The following ANO4 variants were observed in gnomAD, a reference collection of about 807,000 sequenced individuals.
ANO4 encodes anoctamin-4.
Under a neutral mutation model 141.9 loss-of-function variants are expected in ANO4, and 69 were observed. The ratio of observed to expected loss-of-function variants is 0.49; its 90% confidence interval spans 0.40 to 0.59. The LOEUF (loss-of-function observed/expected upper bound fraction) is 0.59, where lower values mean the gene tolerates loss of function less well. Ranked by LOEUF, ANO4 falls within the 20% of genes least tolerant of loss-of-function variation. ANO4 has a pLI of 0.00. For synonymous variants in ANO4, 350 were observed against 394.3 expected (o/e 0.89, Z 1.33); for missense variants, 894 against 1,162.2 (o/e 0.77, Z 3.36).
intron 5 of ANO4, among the ~76,000 whole-genome samples, chr12:100,947,763 A>G (rs1005426181): frequency 3.3e-5 from 5 of 152,068 alleles, no homozygotes; most frequent in Non-Finnish European, 7.3e-5. Context: ...AGATGAGACC[A>G]TTGGTAACTT....
At chr12:100,820,316 A>G (rs1177022295) in intron 1 of ANO4, among the ~76,000 whole-genome samples, 1 of 147,976 alleles carries the variant, frequency 6.8e-6, no homozygotes, top group Non-Finnish European at 1.5e-5. Context: ...TCCTGGTTTT[A>G]TTCTTACCCC....
chr12:100,811,867 C>G (rs774232760), intron 1 of ANO4, among the ~76,000 whole-genome samples: 2 of 152,262 alleles, frequency 1.3e-5, no homozygotes, highest in East Asian at 1.9e-4. Flanking sequence ...CTCCCCTAAA[C>G]CATGGTAGTC....
At chr12:100,779,072 A>G (rs144398939) in intron 3 of ANO4, among the ~76,000 whole-genome samples, 1,901 of 152,290 alleles carry the variant, frequency 0.012, 25 homozygotes, top group African/African-American at 0.043. Flanking sequence ...ACAAAAAACA[A>G]AAAAACAGAA....
At chr12:100,792,864 G>A (rs1443808592), upstream of ANO4, among the ~76,000 whole-genome samples, 1 of 152,176 alleles carries the variant, frequency 6.6e-6, no homozygotes, top group Non-Finnish European at 1.5e-5. Flanking sequence ...AGTGTCAGAA[G>A]CCGTTAATGC....
At chr12:100,985,957 G>A (rs1293446347) in intron 7 of ANO4, among the ~76,000 whole-genome samples, 1 of 152,158 alleles carries the variant, frequency 6.6e-6, no homozygotes, top group African/African-American at 2.4e-5. Context: ...TTATTTTGGG[G>A]TGCATCTGTG....
intron 1 of ANO4, among the ~76,000 whole-genome samples, chr12:100,877,182 C>G (rs189624741): frequency 2.0e-5 from 3 of 152,028 alleles, no homozygotes; most frequent in Non-Finnish European, 4.4e-5. Flanking sequence ...GACAGGAAGG[C>G]TAAGTTCTGG....
chr12:101,029,156 G>C (rs888354961), intron 9 of ANO4, among the ~76,000 whole-genome samples: 6 of 152,158 alleles, frequency 3.9e-5, no homozygotes, highest in African/African-American at 1.4e-4. Context: ...CCCCCACGCT[G>C]GCCTTGCAAG....
intron 5 of ANO4, among the ~76,000 whole-genome samples, chr12:100,964,134 C>T (rs1431915262): frequency 1.3e-5 from 2 of 152,002 alleles, no homozygotes; most frequent in African/African-American, 2.4e-5. Context: ...ATTAAGCATT[C>T]CTTCAAAAAA....
At chr12:100,876,620 CAT>C (rs1437525836) in intron 1 of ANO4, among the ~76,000 whole-genome samples, 1 of 152,150 alleles carries the variant, frequency 6.6e-6, no homozygotes, top group Non-Finnish European at 1.5e-5. Context: ...CAATGGAGGA[CAT>C]GTGGAGGAGC....
At position 100,977,908 on chromosome 12, in the gene ANO4, A is replaced by C. The variant is rs181358568; in HGVS notation, c.602+3019A>C. On this transcript the variant is annotated intron_variant, in intron 7 of 27. Transcript: ENST00000392977. ...CATCCATATTGAGCTCATCGTTTCC[A>C]AACATATGTTATGCTCACGTGGGTT... 1.4e-3 allele frequency among the ~76,000 whole-genome samples: 214 copies of C among 152,300 alleles called. 1 individual carries two copies. The highest frequency in any genetic ancestry group is 4.6e-3 in the African/African-American group (192 of 41,562).
chr12:101,081,809 T>C (rs2049289556), intron 15 of ANO4, among the ~76,000 whole-genome samples: 1 of 152,160 alleles, frequency 6.6e-6, no homozygotes, highest in South Asian at 2.1e-4. Flanking sequence ...GGCTTATAGA[T>C]GGCCATCTTC....
intron 1 of ANO4, among the ~76,000 whole-genome samples, chr12:100,804,979 G>A (rs1413575004): frequency 6.6e-6 from 1 of 152,112 alleles, no homozygotes; most frequent in East Asian, 1.9e-4. Context: ...GTCCGTTTTT[G>A]CTTTCATTAC....
At chr12:101,042,678 T>C (rs2047455894) in intron 12 of ANO4, among the ~76,000 whole-genome samples, 1 of 152,228 alleles carries the variant, frequency 6.6e-6, no homozygotes, top group South Asian at 2.1e-4. Context: ...AAGTAAAAGT[T>C]ACCTTTTCAG....
At chr12:101,107,430 C>T (rs1433706417) in intron 22 of ANO4, among the ~76,000 whole-genome samples, 4 of 152,104 alleles carry the variant, frequency 2.6e-5, no homozygotes, top group Non-Finnish European at 5.9e-5. Context: ...TGGTGGTGAG[C>T]AGAGTTGTGG....
chr12:100,828,750 C>A (rs2036490949), intron 1 of ANO4, among the ~76,000 whole-genome samples: 1 of 151,976 alleles, frequency 6.6e-6, no homozygotes, highest in Non-Finnish European at 1.5e-5. Flanking sequence ...TCTCCAACTT[C>A]ATATAGCTTA....
intron 15 of ANO4, among the ~76,000 whole-genome samples, chr12:101,082,428 CCTGTCTCCATGATTGGCCT>C (rs1222563905): frequency 6.6e-6 from 1 of 152,174 alleles, no homozygotes. Flanking sequence ...GGAACACAGA[CCTGTCTCCATGATTGGCCT>C]TAGTTCTCGG....
chr12:101,062,753 C>T (rs2048404281), intron 14 of ANO4, among the ~76,000 whole-genome samples: 1 of 152,202 alleles, frequency 6.6e-6, no homozygotes, highest in African/African-American at 2.4e-5. Flanking sequence ...CTTGAGCATC[C>T]CAGGTCAACT....
At chr12:100,904,835 A>G (rs1424716030) in intron 2 of ANO4, among the ~76,000 whole-genome samples, 1 of 152,202 alleles carries the variant, frequency 6.6e-6, no homozygotes, top group Non-Finnish European at 1.5e-5. Flanking sequence ...AAAAGGAGAA[A>G]GGTCAGATAG....
chr12:101,110,557 G>A lies in ANO4; in HGVS notation c.2302+1G>A. On this transcript the variant is annotated splice_donor_variant, in intron 23 of 27. Transcript: ENST00000392977. LOFTEE classifies it high-confidence loss of function. ...TTAGCTTCAAGGGCCAAAGACATAG[G>A]TAAGTTGGATTTGGGTATGTTTTTA... The A allele has an allele frequency of 1.9e-6, 3 of 1,565,446 alleles. No homozygotes were observed. The highest frequency in any genetic ancestry group is 2.6e-6 in the Non-Finnish European group (3 of 1,158,646).
Sources: gnomAD v4.1 joint callset for allele counts (sites outside exome capture counted in the v4.1 genomes callset) on GRCh38, gnomAD v4.1.1 for gene constraint, MANE v1.5 for transcripts, NCBI Gene and HGNC (gene_info 2026-07-23, HGNC 2026-07-21) for gene names.